Variants in DENND4C observed in about 807,000 individuals in gnomAD.
DENND4C encodes the protein DENN domain-containing protein 4C.
Under a neutral mutation model 203.0 loss-of-function variants are expected in DENND4C, and 108 were observed. That is an observed-to-expected ratio of 0.53 (90% CI 0.46 to 0.62). DENND4C has a LOEUF of 0.62. DENND4C is among the 20% of genes least tolerant of loss of function. The probability of loss-of-function intolerance (pLI) is 0.00; values close to 1 mark genes in which losing one functional copy is unlikely to be tolerated. For missense variants in DENND4C, 2,481 were observed against 2,301.2 expected, an observed-to-expected ratio of 1.08 and a Z score of -1.60; for synonymous variants, 871 against 792.4, an observed-to-expected ratio of 1.10 and a Z score of -1.67.
chr9:19,327,947 T>G (rs775522751), intron 15 of DENND4C, 83 bp from the exon 16 acceptor site: 16 of 1,313,486 alleles, frequency 1.2e-5, no homozygotes, highest in Non-Finnish European at 1.6e-5. Flanking sequence ...ATTTGAAGTT[T>G]AGAAATATTT....
At position 19,356,990 on chromosome 9, in the gene DENND4C, T is replaced by C. The variant is rs1368198512; in HGVS notation, c.4800T>C (p.Ser1600=). ...RGSASFFLKP[S]TSGDSLQSGS... is the part of the protein sequence containing the mutation. Reference sequence around the variant, plus strand: ...TATGTAGCTTTTTCCTGAAACCAAGTACCTCTGGTGACAGTTTACAAAGTG... The same window carrying C: ...TATGTAGCTTTTTCCTGAAACCAAGCACCTCTGGTGACAGTTTACAAAGTG... The change falls in exon 27 of 33, where the codon AGT becomes AGC. Residue 1600 remains serine, a synonymous_variant. Coordinates refer to ENST00000434457, the MANE Select transcript of DENND4C (RefSeq NM_001330640.2). 1.9e-6 allele frequency: 3 copies of C among 1,613,718 alleles called. No individual in the cohort carries two copies. The highest frequency in any genetic ancestry group is 2.5e-6 in the Non-Finnish European group (3 of 1,179,840).
At chr9:19,306,948 A>ATT (rs111899918) in intron 10 of DENND4C, among the ~76,000 whole-genome samples, 1 of 151,566 alleles carries the variant, frequency 6.6e-6, no homozygotes, top group African/African-American at 2.4e-5. Context: ...CACCTGGCTA[A>ATT]TTTTTTTGTA....
intron 2 of DENND4C, among the ~76,000 whole-genome samples, chr9:19,277,272 A>T (rs1193298017): frequency 6.6e-6 from 1 of 152,160 alleles, no homozygotes; most frequent in Non-Finnish European, 1.5e-5. Flanking sequence ...CTTTAGATTA[A>T]TCTGCAGAGT....
chr9:19,326,633 T>C (rs1403285923), intron 15 of DENND4C, among the ~76,000 whole-genome samples: 1 of 152,128 alleles, frequency 6.6e-6, no homozygotes, highest in African/African-American at 2.4e-5. Flanking sequence ...ATGGATTTTG[T>C]AGTTTTTTTA....
intron 18 of DENND4C, among the ~76,000 whole-genome samples, chr9:19,335,504 C>G (rs1242847697): frequency 3.9e-5 from 6 of 152,100 alleles, no homozygotes; most frequent in Non-Finnish European, 8.8e-5. Flanking sequence ...TTCCAGTGTC[C>G]CCTTTCCCCT....
At chr9:19,282,571 A>T (rs1342098226) in intron 2 of DENND4C, among the ~76,000 whole-genome samples, 1 of 148,196 alleles carries the variant, frequency 6.7e-6, no homozygotes, top group Non-Finnish European at 1.5e-5. Context: ...AAAAAAAAAA[A>T]AAAATAATGG....
chr9:19,372,306 A>C lies in DENND4C; in HGVS notation c.*133A>C. On this transcript the variant is annotated 3_prime_UTR_variant, in exon 33 of 33. Coordinates refer to ENST00000434457, the MANE Select transcript of DENND4C (RefSeq NM_001330640.2). The stretch of plus-strand genomic sequence containing the variant: ...AAGTAACTCTTGGGGACAATATATA[A>C]TGAATTATGATTCATATTGCATTAC... 9.4e-7 allele frequency: 1 copy of C among 1,063,432 alleles called. No homozygotes were observed. The highest frequency in any genetic ancestry group is 1.3e-6 in the Non-Finnish European group (1 of 745,560). 65.9% of individuals were successfully genotyped at this position (1,063,432 alleles called of 1,614,324 possible).
intron 10 of DENND4C, among the ~76,000 whole-genome samples, chr9:19,315,730 T>C (rs905542966): frequency 6.6e-6 from 1 of 150,916 alleles, no homozygotes; most frequent in Non-Finnish European, 1.5e-5. Context: ...TTTTGAGACA[T>C]AGTCTTGCTC....
intron 9 of DENND4C, among the ~76,000 whole-genome samples, chr9:19,303,393 A>G (rs1838998611): frequency 6.6e-6 from 1 of 152,156 alleles, no homozygotes; most frequent in South Asian, 2.1e-4. Context: ...GTTTCTATAA[A>G]GTTTTATTGG....
intron 11 of DENND4C, 27 bp from the exon 12 acceptor site, chr9:19,316,594 A>G (rs111522937): frequency 2.5e-6 from 4 of 1,607,552 alleles, no homozygotes; most frequent in African/African-American, 1.3e-5. Flanking sequence ...ACATAATACC[A>G]TTTTCTGTTT....
Position 19,305,444 on chromosome 9 carries a change from T to G in DENND4C, c.1404T>G (p.Val468=), listed in dbSNP as rs139021247. ...TTAGTGCACCTTTACCATTTATAGT[T>G]GGAGTTGACTCAAGGTATTTTGATC... is the stretch of plus-strand genomic sequence containing the variant. ...AVLSAPLPFI[V]GVDSRYFDLH... The change falls in exon 10 of 33, where the codon GTT becomes GTG. Residue 468 remains valine, a synonymous_variant. Transcript: ENST00000434457. The G allele has an allele frequency of 8.8e-5, 142 of 1,614,046 alleles. No individual in the cohort carries two copies. The highest frequency in any genetic ancestry group is 3.3e-4 in the Admixed American group (20 of 60,024).
intron 22 of DENND4C, among the ~76,000 whole-genome samples, chr9:19,345,129 A>T (rs1822565008): frequency 6.6e-6 from 1 of 152,220 alleles, no homozygotes; most frequent in Non-Finnish European, 1.5e-5. Context: ...GGTAGACTTA[A>T]GTTCTAATAA....
chr9:19,264,990 T>C (rs964760111), intron 1 of DENND4C, among the ~76,000 whole-genome samples: 5 of 152,116 alleles, frequency 3.3e-5, no homozygotes, highest in African/African-American at 1.2e-4. Flanking sequence ...TGTGTTTCCA[T>C]TTTCATTTGT....
intron 1 of DENND4C, among the ~76,000 whole-genome samples, chr9:19,271,652 G>A (rs1831695534): frequency 6.6e-6 from 1 of 151,870 alleles, no homozygotes; most frequent in Non-Finnish European, 1.5e-5. Flanking sequence ...GATCACCTGA[G>A]GTGGTTGAGT....
intron 9 of DENND4C, among the ~76,000 whole-genome samples, chr9:19,303,942 G>GC (rs760326652): frequency 2.7e-4 from 41 of 150,422 alleles, no homozygotes; most frequent in Non-Finnish European, 5.8e-4. Flanking sequence ...TGAACTACTG[G>GC]CCTCAAGCAG....
chr9:19,341,509 C>T (rs1418940883), intron 21 of DENND4C, among the ~76,000 whole-genome samples: 3 of 151,722 alleles, frequency 2.0e-5, no homozygotes, highest in Non-Finnish European at 4.4e-5. Context: ...AAGGTCTCAC[C>T]ATGTTGCCCC....
intron 1 of DENND4C, among the ~76,000 whole-genome samples, chr9:19,249,374 T>A (rs1296872877): frequency 6.6e-6 from 1 of 151,828 alleles, no homozygotes. Flanking sequence ...TGCCTCAGCC[T>A]CCCGAGTAGC....
rs192759593 is a variant in DENND4C, at chr9:19,267,923, C to G, written c.-17-8235C>G. Among the ~76,000 whole-genome samples the G allele has an allele frequency of 3.2e-3, 490 of 152,158 alleles. 3 individuals carry two copies. The highest frequency in any genetic ancestry group is 0.011 in the African/African-American group (456 of 41,538). On this transcript the variant is annotated intron_variant, in intron 1 of 32. Coordinates refer to ENST00000434457, the MANE Select transcript of DENND4C (RefSeq NM_001330640.2). ...ATGTCTTTTGATTGGAGAATTTAGT[C>G]TGTTTACATTCAATGTCATTATTGA...
At chr9:19,243,396 T>C (rs1824267651) in intron 1 of DENND4C, among the ~76,000 whole-genome samples, 2 of 152,222 alleles carry the variant, frequency 1.3e-5, no homozygotes, top group African/African-American at 4.8e-5. Context: ...CCACTTAAAA[T>C]ATGTAATTCA....
Sources: gnomAD v4.1 joint callset for allele counts (sites outside exome capture counted in the v4.1 genomes callset) on GRCh38, gnomAD v4.1.1 for gene constraint, MANE v1.5 for transcripts, NCBI Gene and HGNC (gene_info 2026-07-23, HGNC 2026-07-21) for gene names.